GPC5: variants seen among roughly 807,000 people sequenced by gnomAD.
GPC5 encodes glypican 5.
A neutral mutation model predicts 53.9 loss-of-function variants in GPC5; 47 were observed. The ratio of observed to expected loss-of-function variants is 0.87; its 90% CI spans 0.69 to 1.11. The LOEUF is 1.11. Ranked by LOEUF, GPC5 falls within the 50% of genes most tolerant of loss-of-function variation. The pLI, the probability that GPC5 is intolerant of heterozygous loss-of-function variation, is 0.00. For missense variants in GPC5, 748 were observed against 713.1 expected (o/e 1.05, Z -0.56); for synonymous variants, 286 against 263.3 (o/e 1.09, Z -0.84).
chr13:91,770,971 G>C (rs1297707549), intron 5 of GPC5, among the ~76,000 whole-genome samples: 1 of 152,126 alleles, frequency 6.6e-6, no homozygotes, highest in Non-Finnish European at 1.5e-5. Context: ...TGTCATGTTT[G>C]TGTTATCTGG....
intron 6 of GPC5, among the ~76,000 whole-genome samples, chr13:91,973,451 C>G (rs2040264408): frequency 1.3e-5 from 2 of 152,204 alleles, no homozygotes; most frequent in South Asian, 4.1e-4. Flanking sequence ...TCATCTGGAG[C>G]CTTCTTCTCT....
At chr13:92,052,745 C>G (rs530063898) in intron 6 of GPC5, among the ~76,000 whole-genome samples, 1 of 152,170 alleles carries the variant, frequency 6.6e-6, no homozygotes. Flanking sequence ...CTGGCTTCAC[C>G]TCTCAGTAGG....
chr13:91,424,959 G>T (rs1484479811), intron 1 of GPC5, among the ~76,000 whole-genome samples: 1 of 152,136 alleles, frequency 6.6e-6, no homozygotes. Flanking sequence ...CCCTTGACTA[G>T]GATTCAATTA....
At chr13:92,145,018 T>C in intron 7 of GPC5, 29 bp downstream of exon 7, 1 of 1,335,562 alleles carries the variant, frequency 7.5e-7, no homozygotes, top group Non-Finnish European at 9.7e-7. Flanking sequence ...CACCACTTTT[T>C]TAAAACAATG....
At chr13:92,395,780 G>T (rs1031273058) in intron 7 of GPC5, among the ~76,000 whole-genome samples, 3 of 152,004 alleles carry the variant, frequency 2.0e-5, no homozygotes, top group Admixed American at 1.3e-4. Context: ...TTTTTAATGG[G>T]AGTCCACTGT....
intron 7 of GPC5, among the ~76,000 whole-genome samples, chr13:92,671,798 G>GC (rs1886759481): frequency 7.0e-6 from 1 of 142,456 alleles, no homozygotes; most frequent in Non-Finnish European, 1.6e-5. Flanking sequence ...TAAAAGGGTT[G>GC]TGCTTTGTCC....
At position 92,203,396 on chromosome 13, in the gene GPC5, C is replaced by T. The variant is rs541164620; in HGVS notation, c.1561+58407C>T. The stretch of plus-strand genomic sequence containing the variant: ...GTAAACTATCACAAGAACAAAAAAC[C>T]AAACACCACATATTCTCACTCATAG... On this transcript the variant is annotated intron_variant, in intron 7 of 7. Transcript: ENST00000377067. Among the ~76,000 whole-genome samples the T allele has an allele frequency of 6.5e-5, 9 of 138,986 alleles. No homozygotes were observed. In the South Asian group the frequency reaches 2.1e-3, roughly 33 times the overall value. 91.2% of individuals were successfully genotyped at this position (138,986 alleles called of 152,430 possible).
chr13:92,259,235 T>A (rs2042748131), intron 7 of GPC5, among the ~76,000 whole-genome samples: 1 of 152,318 alleles, frequency 6.6e-6, no homozygotes, highest in Admixed American at 6.5e-5. Context: ...GGTTTTTAAG[T>A]TGTTTTCTAT....
chr13:91,770,510 T>C (rs1441768413), intron 5 of GPC5, among the ~76,000 whole-genome samples: 1 of 152,128 alleles, frequency 6.6e-6, no homozygotes, highest in Non-Finnish European at 1.5e-5. Context: ...GAAAAAAAGA[T>C]GCTCCTATCA....
intron 2 of GPC5, among the ~76,000 whole-genome samples, chr13:91,464,974 T>A (rs1882151238): frequency 6.6e-6 from 1 of 152,284 alleles, no homozygotes; most frequent in African/African-American, 2.4e-5. Context: ...ACATTTTTTT[T>A]TCTTTGCAGC....
chr13:91,949,538 G>A (rs750802756), intron 6 of GPC5, among the ~76,000 whole-genome samples: 13 of 152,158 alleles, frequency 8.5e-5, no homozygotes, highest in Non-Finnish European at 1.8e-4. Flanking sequence ...GGATGCTAAA[G>A]GTATAGCTTG....
intron 4 of GPC5, among the ~76,000 whole-genome samples, chr13:91,754,455 G>T (rs1345800002): frequency 1.3e-5 from 2 of 152,022 alleles, no homozygotes; most frequent in African/African-American, 2.4e-5. Context: ...TTTGAAGGGA[G>T]AAATGAACCT....
At chr13:92,574,397 A>AT (rs983049244) in intron 7 of GPC5, among the ~76,000 whole-genome samples, 5 of 151,960 alleles carry the variant, frequency 3.3e-5, no homozygotes, top group Non-Finnish European at 7.4e-5. Context: ...TAATAAATTA[A>AT]TTTTTTTTCA....
At chr13:91,561,124 C>T (rs1227356813) in intron 2 of GPC5, among the ~76,000 whole-genome samples, 1 of 152,144 alleles carries the variant, frequency 6.6e-6, no homozygotes, top group Non-Finnish European at 1.5e-5. Flanking sequence ...TAGGAGTTTA[C>T]AGTGGCCAGA....
At chr13:92,322,537 G>T (rs2043223100) in intron 7 of GPC5, among the ~76,000 whole-genome samples, 1 of 152,124 alleles carries the variant, frequency 6.6e-6, no homozygotes, top group Non-Finnish European at 1.5e-5. Context: ...TTTTGTTATT[G>T]CTTAATGCAG....
At chr13:92,085,017 A>G (rs553321565) in intron 6 of GPC5, among the ~76,000 whole-genome samples, 2 of 152,274 alleles carry the variant, frequency 1.3e-5, no homozygotes, top group East Asian at 1.9e-4. Context: ...GTGTCCTTAC[A>G]TGGTGGAAGG....
chr13:92,658,837 G>T (rs576734120), intron 7 of GPC5, among the ~76,000 whole-genome samples: 16 of 151,692 alleles, frequency 1.1e-4, no homozygotes, highest in African/African-American at 3.6e-4. Context: ...AGGCATCAAG[G>T]TTGAATTATA....
At chr13:91,674,753 A>G (rs964982225) in intron 2 of GPC5, among the ~76,000 whole-genome samples, 1 of 150,486 alleles carries the variant, frequency 6.6e-6, no homozygotes, top group Admixed American at 6.6e-5. Context: ...ATTTGGAGGT[A>G]GTTGAGTTAG....
intron 7 of GPC5, among the ~76,000 whole-genome samples, chr13:92,394,091 T>C (rs1413194072): frequency 6.6e-6 from 1 of 152,086 alleles, no homozygotes; most frequent in African/African-American, 2.4e-5. Flanking sequence ...GAGTTTCCCA[T>C]CCCTGGAGGT....
Sources: allele counts gnomAD v4.1 joint callset (sites outside exome capture counted in the v4.1 genomes callset), GRCh38; gene constraint gnomAD v4.1.1; transcripts MANE v1.5; gene names NCBI Gene and HGNC (gene_info 2026-07-23, HGNC 2026-07-21).